ITPRID1: variants seen among roughly 807,000 people sequenced by gnomAD.
ITPRID1 encodes ITPR interacting domain containing 1, also known as protein ITPRID1.
Under a neutral mutation model 95.4 loss-of-function variants are expected in ITPRID1, and 96 were observed. That is an observed-to-expected ratio of 1.01 (90% CI 0.85 to 1.19). The LOEUF (loss-of-function observed/expected upper bound fraction) is 1.19. Among genes scored for constraint, ITPRID1 ranks in the 50% most tolerant of loss-of-function variants. ITPRID1 has a pLI of 0.00. For synonymous variants in ITPRID1, 510 were observed against 453.6 expected (o/e 1.12, Z -1.58); for missense variants, 1,339 against 1,252.9 (o/e 1.07, Z -1.04).
intron 1 of ITPRID1, among the ~76,000 whole-genome samples, chr7:31,529,248 T>C (rs2128129635): frequency 6.6e-6 from 1 of 152,348 alleles, no homozygotes; most frequent in South Asian, 2.1e-4. Context: ...CAAGTTCTGC[T>C]GTCCTCATTT....
Position 31,553,071 on chromosome 7 carries a change from A to C in ITPRID1, c.47A>C (p.Gln16Pro). ...SQGSDNLQEG[Q>P]EKSKREILKC... ...GGATCTGACAACCTTCAGGAAGGCC[A>C]GGAAAAGAGCAAGAGAGAGATCCTG... The change falls in exon 3 of 15, where the codon CAG (glutamine) becomes CCG (proline). Residue 16 changes from glutamine (Q) to proline (P), a missense_variant. Physicochemically the swap from Gln to Pro is moderately conservative, Grantham distance 76. Transcript: ENST00000615280. The C allele has an allele frequency of 6.2e-7, 1 of 1,609,096 alleles. No homozygotes were observed. Among genetic ancestry groups the C allele is most frequent in the Non-Finnish European group, 8.5e-7 (1 of 1,177,652 alleles).
intron 10 of ITPRID1, among the ~76,000 whole-genome samples, chr7:31,589,173 C>G (rs1785755232): frequency 6.6e-6 from 1 of 151,864 alleles, no homozygotes; most frequent in Admixed American, 6.6e-5. Context: ...TAAATAAAAA[C>G]TATAATTCCT....
chr7:31,571,846 C>A (rs141449934), intron 6 of ITPRID1, among the ~76,000 whole-genome samples: 1 of 152,294 alleles, frequency 6.6e-6, no homozygotes, highest in East Asian at 1.9e-4. Context: ...AAAAGTGAGA[C>A]ATTCTGTCAC....
In ITPRID1 at chr7:31,524,636, C is replaced by T. The variant is rs1783367822; in HGVS notation, c.-98+10516C>T. Among the ~76,000 whole-genome samples, 5 of 152,140 alleles carry T rather than the reference C, an allele frequency of 3.3e-5. 1 individual carries two copies. Among genetic ancestry groups the T allele is most frequent in the Admixed American group, 3.3e-4 (5 of 15,266 alleles). ...AGTCATAAGAATGTACATTTTCCCCCATGGGGATCAGTAAAGCAAGGTAGT... is the reference window on the plus strand; with the variant it reads ...AGTCATAAGAATGTACATTTTCCCCTATGGGGATCAGTAAAGCAAGGTAGT... On this transcript the variant is annotated intron_variant, in intron 1 of 14. Coordinates refer to ENST00000615280, the MANE Select transcript of ITPRID1 (RefSeq NM_001257967.3).
intron 10 of ITPRID1, among the ~76,000 whole-genome samples, chr7:31,605,307 T>C (rs1420709848): frequency 6.6e-6 from 1 of 152,208 alleles, no homozygotes; most frequent in East Asian, 1.9e-4. Context: ...TTTTATTCCC[T>C]ATTCTTTCCC....
intron 10 of ITPRID1, among the ~76,000 whole-genome samples, chr7:31,640,466 C>A (rs1238744331): frequency 6.6e-6 from 1 of 152,208 alleles, no homozygotes; most frequent in African/African-American, 2.4e-5. Flanking sequence ...GGACTCCTAG[C>A]TCTGTTTCCT....
chr7:31,533,405 A>G (rs973839104), intron 1 of ITPRID1, among the ~76,000 whole-genome samples: 26 of 152,168 alleles, frequency 1.7e-4, no homozygotes, highest in Admixed American at 1.2e-3. Flanking sequence ...CAATTGTTTG[A>G]AACTTTTAAA....
intron 11 of ITPRID1, 86 bp downstream of exon 11, chr7:31,642,344 T>A: frequency 1.1e-6 from 1 of 906,728 alleles, no homozygotes; most frequent in Non-Finnish European, 1.7e-6. Context: ...CAAACCTCAC[T>A]CACAGCTAAC....
At chr7:31,623,415 T>C (rs1175896790) in intron 10 of ITPRID1, among the ~76,000 whole-genome samples, 1 of 151,508 alleles carries the variant, frequency 6.6e-6, no homozygotes, top group South Asian at 2.1e-4. Flanking sequence ...CATGATCAAG[T>C]GGGCTTCATC....
At chr7:31,576,672 T>C (rs1255435607) in intron 8 of ITPRID1, among the ~76,000 whole-genome samples, 1 of 152,118 alleles carries the variant, frequency 6.6e-6, no homozygotes, top group African/African-American at 2.4e-5. Context: ...GGATGATTAG[T>C]CAATACTACT....
At chr7:31,580,359 GT>G (rs1785354413) in intron 9 of ITPRID1, among the ~76,000 whole-genome samples, 2 of 148,806 alleles carry the variant, frequency 1.3e-5, no homozygotes, top group Admixed American at 6.7e-5. Flanking sequence ...CGAACAAAAA[GT>G]TTCACCAAAC....
chr7:31,621,940 G>T (rs1013774451), intron 10 of ITPRID1, among the ~76,000 whole-genome samples: 15 of 149,452 alleles, frequency 1.0e-4, no homozygotes, highest in African/African-American at 3.7e-4. Context: ...ACAAAAAAAG[G>T]CAGGGGTTGC....
In ITPRID1 at chr7:31,573,469, A is replaced by G. The variant is rs190809203; in HGVS notation, c.396-1071A>G. On this transcript the variant is annotated intron_variant, in intron 7 of 14. Coordinates refer to ENST00000615280, the MANE Select transcript of ITPRID1 (RefSeq NM_001257967.3). ...GGTAAGTGGGCGTCCCCAGTGAGAT[A>G]GCTACCTGTTGTTGAATGTGTAAAT... is the stretch of plus-strand genomic sequence containing the variant. 2.4e-4 allele frequency among the ~76,000 whole-genome samples: 36 copies of G among 152,308 alleles called. 1 individual carries two copies. In the East Asian group the frequency reaches 6.9e-3, roughly 29 times the overall value.
At chr7:31,514,825 T>C (rs1426324450) in intron 1 of ITPRID1, among the ~76,000 whole-genome samples, 2 of 151,958 alleles carry the variant, frequency 1.3e-5, no homozygotes, top group Non-Finnish European at 2.9e-5. Flanking sequence ...CAAATAGATA[T>C]ATAAATTGCT....
At chr7:31,593,197 C>T (rs906055934) in intron 10 of ITPRID1, among the ~76,000 whole-genome samples, 2 of 151,994 alleles carry the variant, frequency 1.3e-5, no homozygotes, top group East Asian at 1.9e-4. Context: ...CCCAGCTACT[C>T]GGGAGGCTGA....
chr7:31,561,682 G>A (rs1784627617), intron 5 of ITPRID1, among the ~76,000 whole-genome samples: 1 of 152,142 alleles, frequency 6.6e-6, no homozygotes. Flanking sequence ...TTAGCTGCGT[G>A]GCCTGACAGT....
At chr7:31,658,203 C>T, downstream of ITPRID1, 1 of 1,374,400 alleles carries the variant, frequency 7.3e-7, no homozygotes, top group Admixed American at 2.7e-5. Context: ...TTTTTTAGCC[C>T]ACAGAAGAAC....
chr7:31,596,866 CTT>C (rs1786110448), intron 10 of ITPRID1, among the ~76,000 whole-genome samples: 1 of 151,630 alleles, frequency 6.6e-6, no homozygotes. Flanking sequence ...ATTTAAAAAA[CTT>C]AAAATTTTAA....
downstream of ITPRID1, chr7:31,658,279 T>C (rs770037570): frequency 4.7e-6 from 7 of 1,504,722 alleles, no homozygotes; most frequent in South Asian, 5.1e-5. Context: ...AGGTGAATTA[T>C]TGTCTGCAGA....
Sources: allele counts gnomAD v4.1 joint callset (sites outside exome capture counted in the v4.1 genomes callset), GRCh38; gene constraint gnomAD v4.1.1; transcripts MANE v1.5; gene names NCBI Gene and HGNC (gene_info 2026-07-23, HGNC 2026-07-21).